PSG2: variants seen among roughly 807,000 people sequenced by gnomAD.
PSG2 encodes pregnancy specific beta-1-glycoprotein 2.
A neutral mutation model predicts 36.2 loss-of-function variants in PSG2; 49 were observed. The ratio of observed to expected loss-of-function variants is 1.35; its 90% CI spans 1.08 to 1.72. The LOEUF (loss-of-function observed/expected upper bound fraction) is 1.72, where lower values mean the gene tolerates loss of function less well. PSG2 is among the 40% of genes most tolerant of loss of function. PSG2 has a pLI of 0.00. For missense variants in PSG2, 605 were observed against 407.2 expected (o/e 1.49, Z -4.18); for synonymous variants, 261 against 155.6 (o/e 1.68, Z -5.04).
At chr19:43,073,017 C>G (rs1479645742) in intron 3 of PSG2, among the ~76,000 whole-genome samples, 1 of 151,640 alleles carries the variant, frequency 6.6e-6, no homozygotes, top group Non-Finnish European at 1.5e-5. Flanking sequence ...TACTTTGCCC[C>G]CCTAGATGTG....
chr19:43,077,648 C>A (rs1391900214), intron 2 of PSG2, among the ~76,000 whole-genome samples: 1 of 151,748 alleles, frequency 6.6e-6, no homozygotes, highest in Admixed American at 6.6e-5. Flanking sequence ...TAGCACCCAC[C>A]TGGTCACCTC....
At chr19:43,070,145 C>G (rs1967795779) in intron 4 of PSG2, among the ~76,000 whole-genome samples, 1 of 151,576 alleles carries the variant, frequency 6.6e-6, no homozygotes. Flanking sequence ...TACACCACCT[C>G]ACACACTTTA....
rs1299485352 is a variant in PSG2, at chr19:43,082,265, T to G, written c.64+241A>C. The G allele has an allele frequency of 5.8e-6, 3 of 519,268 alleles. No individual in the cohort carries two copies. The African/African-American group carries it at 5.9e-5, about 10-fold the overall frequency. 32.2% of individuals were successfully genotyped at this position (519,268 alleles called of 1,614,324 possible). A position where few individuals can be genotyped will look rare whatever the true frequency, so the allele number is the denominator to read the frequency against. ...ACGTGATTCTCCTGCCACAGCCTCC[T>G]GAGTAGCTGGAATTACAGGAACACA... is the stretch of plus-strand genomic sequence containing the variant. On this transcript the variant is annotated intron_variant, in intron 1 of 5. Transcript: ENST00000406487.
intron 4 of PSG2, among the ~76,000 whole-genome samples, chr19:43,068,093 C>A (rs1252554420): frequency 6.6e-6 from 1 of 151,386 alleles, no homozygotes; most frequent in African/African-American, 2.4e-5. Flanking sequence ...CAACCATTAA[C>A]TAGATTGACT....
chr19:43,082,179 C>T (rs1360112286), intron 1 of PSG2: 7 of 129,628 alleles, frequency 5.4e-5, no homozygotes, highest in African/African-American at 1.4e-4. Context: ...CTCGTACTGT[C>T]GCCCAGGCTG....
At position 43,081,113 on chromosome 19, in the gene PSG2, G is replaced by T; in HGVS notation, c.198C>A (p.Ile66=). The change falls in exon 2 of 6, where the codon ATC becomes ATA. Residue 66 remains isoleucine (I), a synonymous_variant. Transcript: ENST00000406487. ...GGTCCCTGATTTGCCCTTTGTACCAGATGTAGCCAGTAAGATTCTGGGGCA... is the reference window on the plus strand; with the variant it reads ...GGTCCCTGATTTGCCCTTTGTACCATATGTAGCCAGTAAGATTCTGGGGCA... The part of the protein sequence containing the change: ...HNLPQNLTGY[I]WYKGQIRDLY... 6.2e-7 allele frequency: 1 copy of T among 1,612,830 alleles called. No homozygotes were observed. Among genetic ancestry groups the T allele is most frequent in the Non-Finnish European group, 8.5e-7 (1 of 1,179,678 alleles).
intron 3 of PSG2, chr19:43,072,480 T>A (rs1967833759): frequency 4.3e-6 from 7 of 1,611,394 alleles, no homozygotes; most frequent in Middle Eastern, 2.1e-4. Context: ...ATGGGTCGCT[T>A]TACCCTGGGA....
intron 3 of PSG2, chr19:43,072,554 C>T: frequency 6.2e-7 from 1 of 1,611,296 alleles, no homozygotes; most frequent in East Asian, 2.2e-5. Context: ...CTTAGGTTCA[C>T]AGGTGAAGGC....
chr19:43,081,350 GACACAC>G (rs56971156), intron 1 of PSG2, 104 bp from the exon 2 acceptor site: 132,139 of 849,508 alleles, frequency 0.16, 6,127 homozygotes, highest in African/African-American at 0.3. Flanking sequence ...CAGCCTTGAA[GACACAC>G]ACACACACAC....
intron 4 of PSG2, among the ~76,000 whole-genome samples, chr19:43,067,465 G>T (rs756947135): frequency 2.0e-5 from 3 of 150,844 alleles, no homozygotes; most frequent in Non-Finnish European, 4.4e-5. Context: ...TATATATATG[G>T]AAAAAGGTAG....
At chr19:43,081,393 AC>A (rs1967973296) in intron 1 of PSG2, 147 bp from the exon 2 acceptor site, 12 of 1,272,580 alleles carry the variant, frequency 9.4e-6, no homozygotes, top group African/African-American at 6.4e-5. Flanking sequence ...ACACACACAC[AC>A]ACACAAAAGG....
rs112235330 is a variant in PSG2, at chr19:43,076,613, C to G, written c.431-981G>C. Among the ~76,000 whole-genome samples the G allele has an allele frequency of 3.0e-4, 46 of 151,632 alleles. 1 individual carries two copies. Among genetic ancestry groups the G allele is most frequent in the African/African-American group, 1.0e-3 (43 of 41,098 alleles). The stretch of plus-strand genomic sequence containing the variant: ...CTGAGTTTAACTACCCTATGTACCT[C>G]ATATCAGTGGATTCCAGAGTGAATC... On this transcript the variant is annotated intron_variant, in intron 2 of 5. Transcript: ENST00000406487.
chr19:43,074,258 T>A (rs1304301404), intron 3 of PSG2, among the ~76,000 whole-genome samples: 2 of 151,636 alleles, frequency 1.3e-5, no homozygotes, highest in Non-Finnish European at 2.9e-5. Flanking sequence ...TGGGAGGGGT[T>A]GCATTGAATC....
intron 4 of PSG2, 25 bp from the exon 5 acceptor site, chr19:43,066,625 A>C (rs1315052639): frequency 1.3e-6 from 2 of 1,572,554 alleles, no homozygotes; most frequent in Non-Finnish European, 1.7e-6. Flanking sequence ...AAAGTAAAGA[A>C]GGAATGAAGG....
chr19:43,075,562 T>A lies in PSG2; in HGVS notation c.501A>T (p.Leu167Phe). 1 of 1,613,252 alleles carries A rather than the reference T, an allele frequency of 6.2e-7. No individual in the cohort carries two copies. The highest frequency in any genetic ancestry group is 8.5e-7 in the Non-Finnish European group (1 of 1,179,758). ...TGTCCGGAGTCTCAGGATCACAGGT[T>A]AAGATCACAGTTTCCATGGCCTCCC... ...NPREAMETVI[L>F]TCDPETPDTS... Residue 167 changes from leucine (L) to phenylalanine (F), a missense_variant, in exon 3 of 6, where the codon TTA becomes TTT. By Grantham distance (22) the Leu-to-Phe change is conservative (BLOSUM62 0). Transcript: ENST00000406487.
intron 4 of PSG2, among the ~76,000 whole-genome samples, chr19:43,068,644 T>G (rs1945211024): frequency 6.6e-6 from 1 of 151,614 alleles, no homozygotes; most frequent in Non-Finnish European, 1.5e-5. Context: ...CTAATAAGAT[T>G]GAATCAATAA....
Position 43,081,030 on chromosome 19 carries a change from G to A in PSG2, c.281C>T (p.Ala94Val), listed in dbSNP as rs1418954524. 1 of 1,612,990 alleles carries A rather than the reference G, an allele frequency of 6.2e-7. No homozygotes were observed. Among genetic ancestry groups the A allele is most frequent in the Non-Finnish European group, 8.5e-7 (1 of 1,179,676 alleles). ...VDGQIIIYGP[A>V]YSGRETAYSN... ...ATATGCTGTTTCTCGTCCACTATAT[G>A]CAGGCCCATATATAATTATTTGACC... The change falls in exon 2 of 6, where the codon GCA becomes GTA. Residue 94 changes from alanine to valine, a missense_variant. Ala to Val is a moderately conservative substitution (Grantham distance 64). Coordinates refer to ENST00000406487, the MANE Select transcript of PSG2 (RefSeq NM_031246.4).
intron 2 of PSG2, among the ~76,000 whole-genome samples, chr19:43,076,368 A>T (rs954573927): frequency 6.6e-6 from 1 of 151,764 alleles, no homozygotes; most frequent in Non-Finnish European, 1.5e-5. Context: ...TTCTGGGTCC[A>T]CAATGCTCCC....
intron 4 of PSG2, among the ~76,000 whole-genome samples, chr19:43,070,820 T>TA (rs1244310959): frequency 6.6e-6 from 1 of 151,668 alleles, no homozygotes; most frequent in Non-Finnish European, 1.5e-5. Flanking sequence ...TAGCTAATGG[T>TA]AAGCCTTATA....
Sources: allele counts gnomAD v4.1 joint callset (sites outside exome capture counted in the v4.1 genomes callset), GRCh38; gene constraint gnomAD v4.1.1; transcripts MANE v1.5; gene names NCBI Gene and HGNC (gene_info 2026-07-23, HGNC 2026-07-21).